The following TRHDE variants were observed in gnomAD, a reference collection of about 807,000 sequenced individuals.
TRHDE encodes thyrotropin-releasing hormone-degrading ectoenzyme.
Under a neutral mutation model 125.7 loss-of-function variants are expected in TRHDE, and 72 were observed. The ratio of observed to expected loss-of-function variants is 0.57; its 90% CI spans 0.47 to 0.70. The LOEUF is 0.70. Ranked by LOEUF, TRHDE falls within the 30% of genes least tolerant of loss-of-function variation. TRHDE has a pLI of 0.00. For missense variants in TRHDE, 1,110 were observed against 1,327.1 expected, an observed-to-expected ratio of 0.84 and a Z score of 2.54; for synonymous variants, 509 against 509.1, an observed-to-expected ratio of 1.00 and a Z score of 0.00.
intron 1 of TRHDE, among the ~76,000 whole-genome samples, chr12:72,275,681 A>G (rs555076210): frequency 7.9e-5 from 12 of 152,336 alleles, no homozygotes; most frequent in African/African-American, 2.9e-4. Context: ...TATGTTTGGC[A>G]GAACTGAGCT....
intron 12 of TRHDE, among the ~76,000 whole-genome samples, chr12:72,597,810 CTA>C (rs1459104901): frequency 2.3e-5 from 3 of 130,820 alleles, no homozygotes; most frequent in African/African-American, 5.7e-5. Context: ...GAAATAGAAA[CTA>C]TGAGACTTTT....
chr12:72,514,243 A>T (rs1453256491), intron 6 of TRHDE, among the ~76,000 whole-genome samples: 1 of 152,206 alleles, frequency 6.6e-6, no homozygotes, highest in Non-Finnish European at 1.5e-5. Flanking sequence ...ACATGAAGAA[A>T]CAAGTTTCCA....
intron 2 of TRHDE, among the ~76,000 whole-genome samples, chr12:72,350,866 C>T (rs1449980134): frequency 1.3e-5 from 2 of 151,992 alleles, no homozygotes; most frequent in Non-Finnish European, 2.9e-5. Context: ...ATTTAAAAAT[C>T]TCACAGGTGA....
intron 5 of TRHDE, among the ~76,000 whole-genome samples, chr12:72,473,585 A>C (rs1347013563): frequency 6.6e-6 from 1 of 152,094 alleles, no homozygotes; most frequent in African/African-American, 2.4e-5. Flanking sequence ...AAAAGATACG[A>C]TGTATTATTG....
chr12:72,325,541 TA>T (rs1331678126), intron 2 of TRHDE, among the ~76,000 whole-genome samples: 1 of 152,128 alleles, frequency 6.6e-6, no homozygotes, highest in Non-Finnish European at 1.5e-5. Context: ...ACCAACAAAA[TA>T]AGGGATTATT....
chr12:72,105,927 C>A (rs1246074293), intron 2 of TRHDE, among the ~76,000 whole-genome samples: 1 of 152,078 alleles, frequency 6.6e-6, no homozygotes, highest in Non-Finnish European at 1.5e-5. Context: ...TCTTCCTAGG[C>A]AATTTTCCTA....
intron 2 of TRHDE, among the ~76,000 whole-genome samples, chr12:72,165,851 A>G (rs917477070): frequency 4.6e-5 from 7 of 151,742 alleles, no homozygotes; most frequent in African/African-American, 1.5e-4. Flanking sequence ...ATTTTTTTGT[A>G]TTTTTAGTAG....
intron 2 of TRHDE, among the ~76,000 whole-genome samples, chr12:72,266,723 A>T (rs1216967459): frequency 1.3e-5 from 2 of 152,000 alleles, no homozygotes; most frequent in African/African-American, 4.8e-5. Flanking sequence ...TATTTGGCTT[A>T]CCTTTCAGGA....
chr12:72,473,258 G>C (rs888471006), intron 5 of TRHDE, 78 bp downstream of exon 5: 11 of 1,099,998 alleles, frequency 1.0e-5, no homozygotes, highest in Non-Finnish European at 1.3e-5. Flanking sequence ...CATCCTTAGA[G>C]ATGACTAAAA....
intron 6 of TRHDE, among the ~76,000 whole-genome samples, chr12:72,519,212 G>A (rs1299769284): frequency 6.6e-6 from 1 of 152,150 alleles, no homozygotes; most frequent in Non-Finnish European, 1.5e-5. Flanking sequence ...GGTTGGGGAA[G>A]TTCTCCTGGA....
At chr12:72,541,413 G>A (rs975858104) in intron 6 of TRHDE, among the ~76,000 whole-genome samples, 2 of 151,314 alleles carry the variant, frequency 1.3e-5, no homozygotes, top group South Asian at 2.1e-4. Context: ...ATGTTGTTCT[G>A]CCATATTATA....
intron 2 of TRHDE, among the ~76,000 whole-genome samples, chr12:72,148,862 A>G (rs1432995194): frequency 6.6e-6 from 1 of 152,214 alleles, no homozygotes; most frequent in Non-Finnish European, 1.5e-5. Context: ...TGCAAGCTGG[A>G]CTAGAACAAA....
At chr12:72,634,644 C>G in intron 15 of TRHDE, among the ~76,000 whole-genome samples, 1 of 129,278 alleles carries the variant, frequency 7.7e-6, no homozygotes, top group Non-Finnish European at 1.6e-5. Context: ...AGTGCTATCC[C>G]TCCCCCCTCC....
At chr12:72,210,398 C>G (rs753908517) in intron 2 of TRHDE, among the ~76,000 whole-genome samples, 2 of 151,982 alleles carry the variant, frequency 1.3e-5, no homozygotes, top group African/African-American at 4.8e-5. Flanking sequence ...ATTTCTTGCC[C>G]TGCAGATTAA....
chr12:72,412,417 G>A (rs1024938796), intron 3 of TRHDE, among the ~76,000 whole-genome samples: 1 of 151,958 alleles, frequency 6.6e-6, no homozygotes, highest in African/African-American at 2.4e-5. Flanking sequence ...TATAAAATCC[G>A]ACAATACCAG....
In TRHDE at chr12:72,469,844, C is replaced by G. The variant is rs763824446; in HGVS notation, c.1402C>G (p.Pro468Ala). Residue 468 changes from proline (P) to alanine (A), a missense_variant, in exon 4 of 19, where the codon CCC becomes GCC. Physicochemically the swap from Pro to Ala is conservative, Grantham distance 27 (BLOSUM62 -1). Coordinates refer to ENST00000261180, the MANE Select transcript of TRHDE (RefSeq NM_013381.3). The stretch of plus-strand genomic sequence containing the variant: ...TGTGGAACAAAGAATACTGCTGGAT[C>G]CCAGTGTTTCATCTATTTCTTATTT... ...IFVEQRILLD[P>A]SVSSISYLLD... 2 of 1,613,960 alleles carry G rather than the reference C, an allele frequency of 1.2e-6. No homozygotes were observed. The highest frequency in any genetic ancestry group is 2.2e-5 in the East Asian group (1 of 44,852).
intron 7 of TRHDE, among the ~76,000 whole-genome samples, chr12:72,554,166 T>C (rs1398542383): frequency 6.6e-6 from 1 of 152,124 alleles, no homozygotes; most frequent in East Asian, 1.9e-4. Flanking sequence ...ATAATTTTCT[T>C]ATAGTGTTTC....
rs914611527 is a variant in TRHDE, at chr12:72,294,214, G to A, written c.1188+7260G>A. 2.6e-5 allele frequency among the ~76,000 whole-genome samples: 4 copies of A among 152,170 alleles called. No individual in the cohort carries two copies. In the South Asian group the frequency reaches 6.2e-4, roughly 24 times the overall value. On this transcript the variant is annotated intron_variant, in intron 2 of 18. Transcript: ENST00000261180. ...GGGCATGTCTCAGCCCTGTTTGTGC[G>A]ACAGTTCTTTTAGCCTCACCATTCA... is the stretch of plus-strand genomic sequence containing the variant.
chr12:72,366,641 C>T (rs1181015929), intron 2 of TRHDE, among the ~76,000 whole-genome samples: 1 of 152,030 alleles, frequency 6.6e-6, no homozygotes, highest in Admixed American at 6.6e-5. Context: ...AAGCCAAACA[C>T]ACTTTAAGTA....
Sources: gnomAD v4.1 joint callset for allele counts (sites outside exome capture counted in the v4.1 genomes callset) on GRCh38, gnomAD v4.1.1 for gene constraint, MANE v1.5 for transcripts, NCBI Gene and HGNC (gene_info 2026-07-23, HGNC 2026-07-21) for gene names.